Variants in ACSL6 observed in about 807,000 individuals in gnomAD.
The protein encoded by ACSL6 is long-chain-fatty-acid--CoA ligase 6.
ACSL6 carries 47 observed loss-of-function variants against 98.2 expected under a neutral mutation model. That is an observed-to-expected ratio of 0.48 (90% CI 0.38 to 0.61). The LOEUF (loss-of-function observed/expected upper bound fraction) is 0.61. Among genes scored for constraint, ACSL6 ranks in the 20% least tolerant of loss-of-function variants. The pLI, the probability that ACSL6 is intolerant of heterozygous loss-of-function variation, is 0.00. For missense variants in ACSL6, 761 were observed against 913.4 expected, an observed-to-expected ratio of 0.83 and a Z score of 2.15; for synonymous variants, 362 against 336.9, an observed-to-expected ratio of 1.07 and a Z score of -0.82.
rs75759512 is a variant in ACSL6 at position 131,998,727 on chromosome 5, T to C, written c.50-4476A>G. On this transcript the variant is annotated intron_variant, in intron 1 of 20. Coordinates refer to ENST00000651883, the MANE Select transcript of ACSL6 (RefSeq NM_001009185.3). ...CCACCAACCACAGCCCAGACTCCCA[T>C]ACCACCCTCTCCATAGGTCTCCTTG... is the stretch of plus-strand genomic sequence containing the variant. 5.7e-3 allele frequency among the ~76,000 whole-genome samples: 873 copies of C among 152,302 alleles called. 6 individuals carry two copies. The highest frequency in any genetic ancestry group is 0.02 in the African/African-American group (838 of 41,560).
intron 9 of ACSL6, chr5:131,983,121 C>A (rs1753991079): frequency 1.3e-5 from 2 of 152,228 alleles, no homozygotes; most frequent in Admixed American, 1.3e-4. Flanking sequence ...GATAAAACAT[C>A]CTAACTATCA....
At position 131,951,182 on chromosome 5, in the gene ACSL6, A is replaced by G. The variant is rs1486028407; in HGVS notation, c.*3052T>C. 9.5e-6 allele frequency: 2 copies of G among 210,122 alleles called. No individual in the cohort carries two copies. Among genetic ancestry groups the G allele is most frequent in the East Asian group, 1.5e-4 (2 of 13,790 alleles). The allele number at this position is 210,122 out of a possible 1,614,324, so 13.0% of individuals were successfully genotyped here. On this transcript the variant is annotated 3_prime_UTR_variant, in exon 21 of 21. Transcript: ENST00000651883. ...AAAAAGGCCAAACATTTAAGAACAT[A>G]TTTACACTTAAGGAACTGATTATCT...
intron 20 of ACSL6, among the ~76,000 whole-genome samples, chr5:131,956,692 A>G (rs927401362): frequency 6.6e-6 from 1 of 152,220 alleles, no homozygotes; most frequent in East Asian, 1.9e-4. Context: ...CCACAAACCT[A>G]TAGTTTTTTT....
At chr5:132,011,836 G>T (rs1364348717), upstream of ACSL6, 1 of 1,497,808 alleles carries the variant, frequency 6.7e-7, no homozygotes, top group Non-Finnish European at 8.9e-7. This position sits in a 1 kb window ranked among gnomAD's most constrained non-coding sequence, Gnocchi z 5.4. Context: ...TGTCGGAACC[G>T]CCAAGCTCCC....
In ACSL6 at chr5:131,972,845, G is replaced by A; in HGVS notation, c.1217C>T (p.Ala406Val). ...NRMYDKIFSQ[A>V]NTPLKRWLLE... is the part of the protein sequence containing the mutation. ...GAGCCAGCGCTTTAATGGTGTGTTTGCCTGGCTGAAGATCTGAGGAACATA... is the reference window on the plus strand; with the variant it reads ...GAGCCAGCGCTTTAATGGTGTGTTTACCTGGCTGAAGATCTGAGGAACATA... Residue 406 changes from alanine (A) to valine (V), a missense_variant, in exon 13 of 21, where the codon GCA becomes GTA. By Grantham distance (64) the Ala-to-Val change is moderately conservative. Coordinates refer to ENST00000651883, the MANE Select transcript of ACSL6 (RefSeq NM_001009185.3). The A allele has an allele frequency of 6.2e-7, 1 of 1,614,198 alleles. No homozygotes were observed. Among genetic ancestry groups the A allele is most frequent in the Non-Finnish European group, 8.5e-7 (1 of 1,180,026 alleles).
chr5:131,958,576 T>C (rs928396417), intron 20 of ACSL6, among the ~76,000 whole-genome samples: 1 of 152,196 alleles, frequency 6.6e-6, no homozygotes, highest in South Asian at 2.1e-4. Flanking sequence ...AATGTAAAGA[T>C]CTATTTTTAA....
Position 132,011,354 on chromosome 5 carries a change from A to T in ACSL6, c.49+151T>A. 1 of 791,540 alleles carries T rather than the reference A, an allele frequency of 1.3e-6. No homozygotes were observed. Among genetic ancestry groups the T allele is most frequent in the Non-Finnish European group, 2.1e-6 (1 of 479,000 alleles). 49.0% of individuals were successfully genotyped at this position (791,540 alleles called of 1,614,324 possible). ...CGCGAGAACTGGGGGCGGAGGGTGTACTTAGGCGGCCCTGGGGACCTTGAC... is the reference window on the plus strand; with the variant it reads ...CGCGAGAACTGGGGGCGGAGGGTGTTCTTAGGCGGCCCTGGGGACCTTGAC... On this transcript the variant is annotated intron_variant, in intron 1 of 20. Coordinates refer to ENST00000651883, the MANE Select transcript of ACSL6 (RefSeq NM_001009185.3). The surrounding 1 kb of genome is among the most constrained non-coding windows in gnomAD (Gnocchi z 5.4).
At chr5:131,963,792 G>A (rs905741674) in intron 17 of ACSL6, among the ~76,000 whole-genome samples, 1 of 152,090 alleles carries the variant, frequency 6.6e-6, no homozygotes, top group East Asian at 1.9e-4. Flanking sequence ...AGAGAAAAAT[G>A]AGCAGACTCT....
chr5:131,989,992 A>T (rs1754418714), intron 4 of ACSL6, 108 bp downstream of exon 4: 1 of 1,199,276 alleles, frequency 8.3e-7, no homozygotes, highest in African/African-American at 1.5e-5. Context: ...CAGGCCAGGG[A>T]AATAAATGAC....
chr5:131,972,715 T>C lies in ACSL6; in HGVS notation c.1338+9A>G. The C allele has an allele frequency of 6.2e-7, 1 of 1,614,118 alleles. No individual in the cohort carries two copies. The highest frequency in any genetic ancestry group is 8.5e-7 in the Non-Finnish European group (1 of 1,179,994). ...GTGTCACTCTATAATCACTTGTTCATTTTCTTACCTGAATCTTATTAAAGA... is the reference window on the plus strand; with the variant it reads ...GTGTCACTCTATAATCACTTGTTCACTTTCTTACCTGAATCTTATTAAAGA... On this transcript the variant is annotated intron_variant, in intron 13 of 20. Transcript: ENST00000651883.
At chr5:131,972,584 C>G (rs1753371261) in intron 13 of ACSL6, 140 bp downstream of exon 13, 2 of 1,082,188 alleles carry the variant, frequency 1.8e-6, no homozygotes, top group African/African-American at 1.6e-5. Flanking sequence ...TCAATCATAG[C>G]TTAAGCTTTG....
At chr5:131,985,320 G>T in intron 9 of ACSL6, 87 bp downstream of exon 9, 1 of 1,522,462 alleles carries the variant, frequency 6.6e-7, no homozygotes. Context: ...TTTCAAACAG[G>T]GTATCAAAGA....
upstream of ACSL6, chr5:132,011,845 C>T: frequency 4.0e-6 from 6 of 1,506,222 alleles, no homozygotes; most frequent in Non-Finnish European, 5.3e-6. The surrounding 1 kb of genome is among the most constrained non-coding windows in gnomAD (Gnocchi z 5.4). Context: ...CGCCAAGCTC[C>T]CGGGCGGGGG....
At chr5:131,994,394 A>G in intron 1 of ACSL6, 143 bp from the exon 2 acceptor site, 1 of 691,132 alleles carries the variant, frequency 1.4e-6, no homozygotes, top group South Asian at 1.9e-5. Flanking sequence ...GCACCCCAGA[A>G]GCTGGCTACC....
intron 1 of ACSL6, among the ~76,000 whole-genome samples, chr5:132,009,325 T>C (rs1755586874): frequency 6.6e-6 from 1 of 152,174 alleles, no homozygotes; most frequent in Non-Finnish European, 1.5e-5. Context: ...AAGAGAGACA[T>C]TGCCTCCTGT....
At position 132,011,574 on chromosome 5, in the gene ACSL6, C is replaced by T. The variant is rs752481854; in HGVS notation, c.-21G>A. 9 of 1,519,140 alleles carry T rather than the reference C, an allele frequency of 5.9e-6. No individual in the cohort carries two copies. In the East Asian group the frequency reaches 2.2e-4, roughly 37 times the overall value. The allele number at this position is 1,519,140 out of a possible 1,614,324, so 94.1% of individuals were successfully genotyped here. ...AGCATGGCGGTCAGCGGGGCCCGGCCCGGCCCGGCCCGGCCTCCCCGACCC... is the reference window on the plus strand; with the variant it reads ...AGCATGGCGGTCAGCGGGGCCCGGCTCGGCCCGGCCCGGCCTCCCCGACCC... On this transcript the variant is annotated 5_prime_UTR_variant, in exon 1 of 21. Transcript: ENST00000651883. The surrounding 1 kb of genome is among the most constrained non-coding windows in gnomAD (Gnocchi z 5.4).
intron 16 of ACSL6, 89 bp downstream of exon 16, chr5:131,967,851 C>T: frequency 8.2e-7 from 1 of 1,224,026 alleles, no homozygotes; most frequent in South Asian, 1.3e-5. Flanking sequence ...ATACACAAGG[C>T]AAAAGGAAAA....
intron 8 of ACSL6, among the ~76,000 whole-genome samples, chr5:131,986,113 G>C (rs931285863): frequency 1.3e-5 from 2 of 152,248 alleles, no homozygotes; most frequent in Non-Finnish European, 2.9e-5. Context: ...AACCAGCCTG[G>C]GCACAGGCAC....
upstream of ACSL6, chr5:132,012,158 T>C: frequency 2.1e-6 from 1 of 484,478 alleles, no homozygotes; most frequent in Non-Finnish European, 3.5e-6. Context: ...GACCCGAGTT[T>C]GCAGACATGG....
Sources: allele counts gnomAD v4.1 joint callset (sites outside exome capture counted in the v4.1 genomes callset), GRCh38; gene constraint gnomAD v4.1.1; non-coding constraint Gnocchi (gnomAD v3.1); transcripts MANE v1.5; gene names NCBI Gene and HGNC (gene_info 2026-07-23, HGNC 2026-07-21).